The following SMAD4 variants were observed in gnomAD, a reference collection of about 807,000 sequenced individuals.
SMAD4 encodes the protein MAD homolog 4.
In SMAD4, 7 loss-of-function variants were observed where a neutral mutation model predicts 63.2. That is an observed-to-expected ratio of 0.11 (90% CI 0.06 to 0.21). The LOEUF (loss-of-function observed/expected upper bound fraction) is 0.21, where lower values mean the gene tolerates loss of function less well. Among genes scored for constraint, SMAD4 ranks in the 10% least tolerant of loss-of-function variants. SMAD4 has a pLI of 1.00. For synonymous variants in SMAD4, 215 were observed against 235.4 expected (o/e 0.91, Z 0.79); for missense variants, 312 against 693.8 (o/e 0.45, Z 6.18).
At chr18:51,067,217 G>A (rs1427553864) in intron 10 of SMAD4, 30 bp downstream of exon 10, 2 of 1,251,462 alleles carry the variant, frequency 1.6e-6, no homozygotes, top group East Asian at 4.6e-5. Context: ...GAATATTTTA[G>A]ACTTAAAGCT....
intron 1 of SMAD4, among the ~76,000 whole-genome samples, chr18:51,034,170 G>GT (rs1432625750): frequency 6.6e-6 from 1 of 151,562 alleles, no homozygotes; most frequent in African/African-American, 2.4e-5. Flanking sequence ...TACTCCCAAT[G>GT]TTTAGGGCAA....
rs1421930494 is a variant in SMAD4, at chr18:51,078,529, T to A, written c.*62T>A. The A allele has an allele frequency of 1.8e-6, 2 of 1,106,484 alleles. No individual in the cohort carries two copies. Among genetic ancestry groups the A allele is most frequent in the African/African-American group, 3.1e-5 (2 of 64,100 alleles). The allele number at this position is 1,106,484 out of a possible 1,614,324, so 68.5% of individuals were successfully genotyped here. A position where few individuals can be genotyped will look rare whatever the true frequency, so the allele number is the denominator to read the frequency against. On this transcript the variant is annotated 3_prime_UTR_variant, in exon 12 of 12. Transcript: ENST00000342988. ...TGGTGGACTACAAAATACAATCCTG[T>A]TTATAATCTGAAGATATATTTCACT...
rs961773590 is a variant in SMAD4, at chr18:51,054,720, A to AT, written c.455-52dup. On this transcript the variant is annotated intron_variant, in intron 4 of 11. Coordinates refer to ENST00000342988, the MANE Select transcript of SMAD4 (RefSeq NM_005359.6). ...TGTTATTATATTACTTGCTAATAAG[A>AT]TTTTTTTTTCTGGGAATAGAAGCTT... 1,217 of 1,163,012 alleles carry AT rather than the reference A, an allele frequency of 1.0e-3. 1 individual carries two copies. Among genetic ancestry groups the AT allele is most frequent in the Non-Finnish European group, 1.3e-3 (996 of 794,170 alleles). The allele number at this position is 1,163,012 out of a possible 1,614,324, so 72.0% of individuals were successfully genotyped here.
chr18:51,055,105 T>C, intron 5 of SMAD4, 112 bp downstream of exon 5: 1 of 815,380 alleles, frequency 1.2e-6, no homozygotes, highest in Non-Finnish European at 2.1e-6. Flanking sequence ...AAAGTAACTG[T>C]AGTATCTTTC....
intron 8 of SMAD4, among the ~76,000 whole-genome samples, chr18:51,060,817 G>A (rs1326701883): frequency 2.0e-5 from 3 of 151,976 alleles, no homozygotes; most frequent in Non-Finnish European, 4.4e-5. Flanking sequence ...TATTTTAGTA[G>A]ATAACAGGGT....
chr18:51,041,431 A>G (rs1337497151), intron 1 of SMAD4, among the ~76,000 whole-genome samples: 1 of 152,150 alleles, frequency 6.6e-6, no homozygotes, highest in Non-Finnish European at 1.5e-5. Flanking sequence ...AGTTTCTTGC[A>G]TTGGCACTGT....
At chr18:51,048,963 G>C (rs1909627714) in intron 3 of SMAD4, 103 bp downstream of exon 3, 1 of 987,048 alleles carries the variant, frequency 1.0e-6, no homozygotes. Context: ...GATAGCCCGC[G>C]ACTTTAAATA....
chr18:51,034,747 T>C (rs914912767), intron 1 of SMAD4, among the ~76,000 whole-genome samples: 1 of 152,052 alleles, frequency 6.6e-6, no homozygotes, highest in Admixed American at 6.5e-5. Flanking sequence ...GGTCTCTCTC[T>C]GTTGCCCAGG....
At chr18:51,045,839 C>CT (rs1381299916) in intron 1 of SMAD4, among the ~76,000 whole-genome samples, 5 of 152,238 alleles carry the variant, frequency 3.3e-5, no homozygotes, top group Non-Finnish European at 7.4e-5. Flanking sequence ...CTTTCTGTCT[C>CT]TGTGGATTTG....
intron 10 of SMAD4, among the ~76,000 whole-genome samples, chr18:51,075,749 ATAAAAG>A (rs991204274): frequency 6.6e-6 from 1 of 152,222 alleles, no homozygotes. Flanking sequence ...CACTTGGTTG[ATAAAAG>A]TAAAATTATT....
In SMAD4 at chr18:51,054,879, C is replaced by G. The variant is rs2144418704; in HGVS notation, c.553C>G (p.Pro185Ala). ...ACATTCAATTCAAACCATCCAGCAT[C>G]CACCAAGTAATCGTGCATCGACAGA... ...EGHSIQTIQH[P>A]PSNRASTETY... The change falls in exon 5 of 12, where the codon CCA becomes GCA. Residue 185 changes from proline to alanine, a missense_variant. Physicochemically the swap from Pro to Ala is conservative, Grantham distance 27. This residue lies in a region of SMAD4 where 169 missense variants were observed against 211.0 expected (regional missense o/e 0.80). Coordinates refer to ENST00000342988, the MANE Select transcript of SMAD4 (RefSeq NM_005359.6). 1 of 1,613,988 alleles carries G rather than the reference C, an allele frequency of 6.2e-7. No homozygotes were observed. The highest frequency in any genetic ancestry group is 8.5e-7 in the Non-Finnish European group (1 of 1,179,838).
rs35099364 is a variant in SMAD4 at position 51,073,361 on chromosome 18, TTATATATA to T, written c.1309-3256_1309-3249del. 9.0e-4 allele frequency among the ~76,000 whole-genome samples: 20 copies of T among 22,220 alleles called. 1 individual carries two copies. The highest frequency in any genetic ancestry group is 4.9e-3 in the East Asian group (5 of 1,016). 14.6% of individuals were successfully genotyped at this position (22,220 alleles called of 152,430 possible). A position where few individuals can be genotyped will look rare whatever the true frequency, so the allele number is the denominator to read the frequency against. ...TTTTATTCCCTACTCCCAGATAACA[TTATATATA>T]TATATATATATATATATATACACAC... is the stretch of plus-strand genomic sequence containing the variant. On this transcript the variant is annotated intron_variant, in intron 10 of 11. Transcript: ENST00000342988.
At chr18:51,052,713 C>A in intron 4 of SMAD4, 1 of 216,584 alleles carries the variant, frequency 4.6e-6, no homozygotes, top group Non-Finnish European at 9.9e-6. Context: ...GCCCCCATTC[C>A]CCCCTACCTC....
intron 10 of SMAD4, among the ~76,000 whole-genome samples, chr18:51,073,388 T>TATATATATATATACACACAC (rs1417299090): frequency 1.6e-5 from 1 of 64,160 alleles, no homozygotes; most frequent in African/African-American, 7.6e-5. Flanking sequence ...TATATATATA[T>TATATATATATATACACACAC]ACACACACAC....
At position 51,067,024 on chromosome 18, in the gene SMAD4, A is replaced by G; in HGVS notation, c.1145A>G (p.His382Arg). The G allele has an allele frequency of 6.2e-7, 1 of 1,612,840 alleles. No individual in the cohort carries two copies. The highest frequency in any genetic ancestry group is 8.5e-7 in the Non-Finnish European group (1 of 1,178,818). The change falls in exon 10 of 12, where the codon CAC becomes CGC. Residue 382 changes from histidine (H) to arginine (R), a missense_variant. By Grantham distance (29) the His-to-Arg change is conservative (BLOSUM62 0). Transcript: ENST00000342988. ...RTEAIERARL[H>R]IGKGVQLECK... is the part of the protein sequence containing the mutation. ...ATTTCTTTTTTCTTCCTAAGGTTGC[A>G]CATAGGCAAAGGTGTGCAGTTGGAA... is the stretch of plus-strand genomic sequence containing the variant.
At chr18:51,054,678 CTG>C in intron 4 of SMAD4, 101 bp from the exon 5 acceptor site, 1 of 752,180 alleles carries the variant, frequency 1.3e-6, no homozygotes, top group Non-Finnish European at 2.3e-6. Context: ...GTAATTTACA[CTG>C]TAATTGATTT....
At chr18:51,042,893 TG>T (rs888297541) in intron 1 of SMAD4, among the ~76,000 whole-genome samples, 1 of 152,232 alleles carries the variant, frequency 6.6e-6, no homozygotes, top group African/African-American at 2.4e-5. Flanking sequence ...TGTTACTGAC[TG>T]CAGTGCCATT....
intron 1 of SMAD4, among the ~76,000 whole-genome samples, chr18:51,044,273 G>A (rs943014162): frequency 1.3e-5 from 2 of 152,032 alleles, no homozygotes; most frequent in African/African-American, 4.8e-5. Context: ...GCCTCCTGAG[G>A]AGCTGGGACT....
At chr18:51,043,616 AAG>A (rs1375882274) in intron 1 of SMAD4, among the ~76,000 whole-genome samples, 5 of 152,138 alleles carry the variant, frequency 3.3e-5, no homozygotes, top group South Asian at 2.1e-4. Flanking sequence ...GAATACAATA[AAG>A]AGAGAGATGA....
Sources: allele counts gnomAD v4.1 joint callset (sites outside exome capture counted in the v4.1 genomes callset), GRCh38; gene constraint gnomAD v4.1.1; regional missense constraint gnomAD v4.1.1; transcripts MANE v1.5; gene names NCBI Gene and HGNC (gene_info 2026-07-23, HGNC 2026-07-21).